BCL11A: variants seen among roughly 807,000 people sequenced by gnomAD.
BCL11A encodes the protein B cell CLL/lymphoma 11A.
BCL11A carries 2 observed loss-of-function variants against 55.9 expected under a neutral mutation model. That is an observed-to-expected ratio of 0.04 (90% CI 0.01 to 0.11). The LOEUF (loss-of-function observed/expected upper bound fraction) is 0.11, where lower values mean the gene tolerates loss of function less well. BCL11A is among the 10% of genes least tolerant of loss of function. BCL11A has a pLI of 1.00. For missense variants in BCL11A, 817 were observed against 1,137.1 expected (o/e 0.72, Z 4.05); for synonymous variants, 465 against 473.4 (o/e 0.98, Z 0.23).
chr2:60,540,237 C>T (rs1185625213), intron 2 of BCL11A, among the ~76,000 whole-genome samples: 2 of 152,114 alleles, frequency 1.3e-5, no homozygotes. Context: ...GATTAAATCT[C>T]ATGCTAAAAA....
At chr2:60,519,423 G>A (rs1430862886) in intron 2 of BCL11A, among the ~76,000 whole-genome samples, 3 of 152,148 alleles carry the variant, frequency 2.0e-5, no homozygotes, top group African/African-American at 4.8e-5. Flanking sequence ...ATGTTGGAAC[G>A]CTTACTTTAT....
intron 2 of BCL11A, among the ~76,000 whole-genome samples, chr2:60,476,720 C>A (rs1677617864): frequency 6.6e-6 from 1 of 152,214 alleles, no homozygotes; most frequent in African/African-American, 2.4e-5. Context: ...TGTCTTCCTT[C>A]CCCCAACCCC....
In BCL11A at chr2:60,528,917, T is replaced by A. The variant is rs1391893933; in HGVS notation, c.385+17054A>T. 3.3e-5 allele frequency among the ~76,000 whole-genome samples: 5 copies of A among 152,212 alleles called. No homozygotes were observed. In the East Asian group the frequency reaches 9.6e-4, roughly 29 times the overall value. On this transcript the variant is annotated intron_variant, in intron 2 of 3. Transcript: ENST00000642384. ...CTCTATGAGGTAAGGGACCTTGAGT[T>A]ATCTCCATTTCACAGAGAGGTGAAA...
At chr2:60,469,512 T>C (rs768787850) in intron 2 of BCL11A, among the ~76,000 whole-genome samples, 1 of 152,168 alleles carries the variant, frequency 6.6e-6, no homozygotes, top group Non-Finnish European at 1.5e-5. Context: ...AAGATTAGAC[T>C]TCTGGGGTCC....
chr2:60,550,076 G>C (rs922485337), intron 1 of BCL11A, among the ~76,000 whole-genome samples: 1 of 152,074 alleles, frequency 6.6e-6, no homozygotes, highest in Non-Finnish European at 1.5e-5. Flanking sequence ...TCTGTGCTTT[G>C]CATGGGGGTG....
At chr2:60,473,667 T>C (rs1677350368) in intron 2 of BCL11A, among the ~76,000 whole-genome samples, 1 of 152,228 alleles carries the variant, frequency 6.6e-6, no homozygotes, top group Non-Finnish European at 1.5e-5. Flanking sequence ...CTCTTGACCC[T>C]ATGTTTACCA....
chr2:60,467,120 G>GGTGGTGT (rs1676677150), intron 3 of BCL11A, among the ~76,000 whole-genome samples: 2 of 134,274 alleles, frequency 1.5e-5, no homozygotes, highest in Non-Finnish European at 3.2e-5. Context: ...AGTGGTGGTG[G>GGTGGTGT]TGGTGGTGAT....
chr2:60,553,482 CAAAAAAAAAAAAAAAA>C lies in BCL11A; in HGVS notation c.-228_-213del, dbSNP rs756699731. The stretch of plus-strand genomic sequence containing the variant: ...AGAGCCGTCATGGCTTTTTTTTAAG[CAAAAAAAAAAAAAAAA>C]AAAAAAAAAAAAAGAGGGAGAGAGA... On this transcript the variant is annotated 5_prime_UTR_variant, in exon 1 of 4. Coordinates refer to ENST00000642384, the MANE Select transcript of BCL11A (RefSeq NM_022893.4). 5.4e-4 allele frequency: 19 copies of C among 35,188 alleles called. No homozygotes were observed. The South Asian group carries it at 0.013, about 24-fold the overall frequency. 2.2% of individuals were successfully genotyped at this position (35,188 alleles called of 1,614,324 possible). A position where few individuals can be genotyped will look rare whatever the true frequency, so the allele number is the denominator to read the frequency against.
chr2:60,538,739 C>CTCTCTCTCTGTGTG (rs1436371909), intron 2 of BCL11A, among the ~76,000 whole-genome samples: 6 of 67,432 alleles, frequency 8.9e-5, no homozygotes, highest in African/African-American at 2.6e-4. Flanking sequence ...CTCTCTCTCT[C>CTCTCTCTCTGTGTG]TGTGTGTGTG....
rs1669162713 is a variant in BCL11A at position 60,525,506 on chromosome 2, AAAT to A, written c.385+20462_385+20464del. On this transcript the variant is annotated intron_variant, in intron 2 of 3. Transcript: ENST00000642384. ...CTTCCATCTTTGAGGCAAATCAAGA[AAAT>A]AATATTCTGCTGTCTTTGCAGGTGA... 2.6e-5 allele frequency: 4 copies of A among 152,186 alleles called. No individual in the cohort carries two copies. The South Asian group carries it at 8.3e-4, about 32-fold the overall frequency. 9.4% of individuals were successfully genotyped at this position (152,186 alleles called of 1,614,324 possible). A position where few individuals can be genotyped will look rare whatever the true frequency, so the allele number is the denominator to read the frequency against.
At position 60,461,897 on chromosome 2, in the gene BCL11A, T is replaced by C. The variant is rs1225886726; in HGVS notation, c.1015A>G (p.Met339Val). ...TGGAATGGTTGCAGTAACCTTTGCA[T>C]AGGGCTGGGCCGGCCTGGGGACAGC... ...PPLSPGRPSPMQRLLQPFQPG... is the reference protein window; with the variant it reads ...PPLSPGRPSPVQRLLQPFQPG... Residue 339 changes from methionine to valine, a missense_variant, in exon 4 of 4, where the codon ATG (methionine) becomes GTG (valine). Physicochemically the swap from Met to Val is conservative, Grantham distance 21. Transcript: ENST00000642384. 1.9e-5 allele frequency: 31 copies of C among 1,614,114 alleles called. No individual in the cohort carries two copies. The highest frequency in any genetic ancestry group is 2.5e-5 in the Non-Finnish European group (30 of 1,179,968).
Position 60,479,402 on chromosome 2 carries a change from G to A in BCL11A, c.386-10569C>T, listed in dbSNP as rs570369150. Among the ~76,000 whole-genome samples the A allele has an allele frequency of 3.6e-4, 55 of 152,334 alleles. 1 individual carries two copies. The highest frequency in any genetic ancestry group is 2.5e-3 in the Admixed American group (38 of 15,308). On this transcript the variant is annotated intron_variant, in intron 2 of 3. Coordinates refer to ENST00000642384, the MANE Select transcript of BCL11A (RefSeq NM_022893.4). ...GGTCTCTCAGGTCTAGCATTTCCAC[G>A]CAGTCCCAACCATGAGGCTGACCAG...
At chr2:60,513,940 C>A (rs141080792) in intron 2 of BCL11A, among the ~76,000 whole-genome samples, 127 of 152,316 alleles carry the variant, frequency 8.3e-4, no homozygotes, top group African/African-American at 2.8e-3. Context: ...TGGATTGAGT[C>A]GAGACCTGGA....
chr2:60,552,548 C>G (rs959325780), intron 1 of BCL11A, among the ~76,000 whole-genome samples: 1 of 152,198 alleles, frequency 6.6e-6, no homozygotes, highest in Admixed American at 6.5e-5. Flanking sequence ...CCGTCCTTCC[C>G]GGTCCCACGG....
intron 2 of BCL11A, among the ~76,000 whole-genome samples, chr2:60,509,247 C>T (rs962078777): frequency 1.8e-4 from 27 of 152,294 alleles, no homozygotes; most frequent in Admixed American, 1.8e-3. Flanking sequence ...TTTTACTTTT[C>T]CATTAGAGGG....
rs1393330669 is a variant in BCL11A at position 60,461,374 on chromosome 2, T to C, written c.1538A>G (p.Tyr513Cys). Reference sequence around the variant, plus strand: ...CGCCTCCAGGCTCAGCCCGAAGCCGTAGTCCACCCTCTCGCTCTCCGTCAG... The same window carrying C: ...CGCCTCCAGGCTCAGCCCGAAGCCGCAGTCCACCCTCTCGCTCTCCGTCAG... ...EELTESERVD[Y>C]GFGLSLEAAR... Residue 513 changes from tyrosine to cysteine, a missense_variant, in exon 4 of 4, where the codon TAC becomes TGC. This residue lies in a region of BCL11A where 379 missense variants were observed against 425.3 expected (regional missense o/e 0.89). Coordinates refer to ENST00000642384, the MANE Select transcript of BCL11A (RefSeq NM_022893.4). 3.1e-6 allele frequency: 5 copies of C among 1,606,380 alleles called. No individual in the cohort carries two copies. The highest frequency in any genetic ancestry group is 4.2e-6 in the Non-Finnish European group (5 of 1,179,290).
chr2:60,483,820 T>C (rs1338540631), intron 2 of BCL11A, among the ~76,000 whole-genome samples: 5 of 152,216 alleles, frequency 3.3e-5, no homozygotes. Context: ...TTTCCTATTT[T>C]TGTTCTTCTG....
intron 1 of BCL11A, among the ~76,000 whole-genome samples, chr2:60,548,305 AT>A (rs397984727): frequency 1.3e-5 from 2 of 150,242 alleles, no homozygotes; most frequent in Admixed American, 6.6e-5. Context: ...AAAAAAAAAA[AT>A]TTTTTATTTC....
chr2:60,552,650 G>C (rs957427404), intron 1 of BCL11A, among the ~76,000 whole-genome samples: 2 of 152,178 alleles, frequency 1.3e-5, no homozygotes, highest in African/African-American at 4.8e-5. Context: ...ACTATTGTGG[G>C]GATGACTACT....
Sources: gnomAD v4.1 joint callset for allele counts (sites outside exome capture counted in the v4.1 genomes callset) on GRCh38, gnomAD v4.1.1 for gene constraint, gnomAD v4.1.1 regional missense constraint, MANE v1.5 for transcripts, NCBI Gene and HGNC (gene_info 2026-07-23, HGNC 2026-07-21) for gene names.